The following HTR1F variants were observed in gnomAD, a reference collection of about 807,000 sequenced individuals.
HTR1F encodes 5-hydroxytryptamine (serotonin) receptor 1F, G protein-coupled.
In HTR1F, 17 loss-of-function variants were observed where a neutral mutation model predicts 24.0. The ratio of observed to expected loss-of-function variants is 0.71; its 90% confidence interval spans 0.48 to 1.06. The LOEUF (loss-of-function observed/expected upper bound fraction) is 1.06. HTR1F is among the 50% of genes least tolerant of loss of function. The probability of loss-of-function intolerance (pLI) is 0.00; values close to 1 mark genes in which losing one functional copy is unlikely to be tolerated. For missense variants in HTR1F, 391 were observed against 427.8 expected (o/e 0.91, Z 0.76); for synonymous variants, 186 against 156.8 (o/e 1.19, Z -1.39).
intron 2 of HTR1F, among the ~76,000 whole-genome samples, chr3:87,939,095 T>C (rs1704498626): frequency 6.6e-6 from 1 of 152,180 alleles, no homozygotes; most frequent in South Asian, 2.1e-4. Flanking sequence ...AACAACCCCA[T>C]CAAAAAGTGG....
chr3:87,808,608 C>A (rs1196320230), intron 1 of HTR1F, among the ~76,000 whole-genome samples: 1 of 151,654 alleles, frequency 6.6e-6, no homozygotes, highest in Non-Finnish European at 1.5e-5. Context: ...TTTGCCTCTA[C>A]TTTAATTCTG....
intron 2 of HTR1F, among the ~76,000 whole-genome samples, chr3:87,864,439 C>T (rs1705379813): frequency 6.6e-6 from 1 of 152,158 alleles, no homozygotes; most frequent in Non-Finnish European, 1.5e-5. Context: ...CAGGGCCCTA[C>T]CTTACAGGTT....
intron 2 of HTR1F, among the ~76,000 whole-genome samples, chr3:87,920,201 G>C (rs1703983307): frequency 6.6e-6 from 1 of 152,020 alleles, no homozygotes; most frequent in South Asian, 2.1e-4. Context: ...GCTAAGCTAT[G>C]AGGATGCAAA....
At chr3:87,889,312 G>A (rs1319705044) in intron 2 of HTR1F, among the ~76,000 whole-genome samples, 1 of 152,004 alleles carries the variant, frequency 6.6e-6, no homozygotes, top group African/African-American at 2.4e-5. Flanking sequence ...GACTAAGACA[G>A]CAATTATATT....
At chr3:87,941,300 C>A (rs1193136644) in intron 2 of HTR1F, among the ~76,000 whole-genome samples, 3 of 152,162 alleles carry the variant, frequency 2.0e-5, no homozygotes, top group Admixed American at 6.5e-5. Context: ...TGCCAAGGAA[C>A]CCTCTTAGTT....
At chr3:87,842,726 C>G (rs1251251608) in intron 2 of HTR1F, among the ~76,000 whole-genome samples, 1 of 151,946 alleles carries the variant, frequency 6.6e-6, no homozygotes, top group Admixed American at 6.5e-5. Context: ...GACTAGAAAT[C>G]TCTACAGATT....
At position 87,822,801 on chromosome 3, in the gene HTR1F, A is replaced by G. The variant is rs146163845; in HGVS notation, c.-43+677A>G. ...ATGTGTACATAAGAAATGAAACAAC[A>G]TAATAAATGTTACTCTTGGGAACAG... On this transcript the variant is annotated intron_variant, in intron 2 of 2. Transcript: ENST00000319595. 3.9e-3 allele frequency among the ~76,000 whole-genome samples: 588 copies of G among 152,346 alleles called. 6 individuals carry two copies. The highest frequency in any genetic ancestry group is 0.014 in the African/African-American group (565 of 41,576).
intron 2 of HTR1F, among the ~76,000 whole-genome samples, chr3:87,856,978 G>C (rs1274741166): frequency 1.3e-5 from 2 of 152,106 alleles, no homozygotes; most frequent in Admixed American, 1.3e-4. Context: ...AATGCTTTCA[G>C]AGTTACAGCT....
At chr3:87,890,367 G>T (rs1430744441) in intron 2 of HTR1F, among the ~76,000 whole-genome samples, 3 of 151,978 alleles carry the variant, frequency 2.0e-5, no homozygotes, top group Non-Finnish European at 4.4e-5. Context: ...CTCTATTATG[G>T]GTCCTCAGAG....
chr3:87,922,102 T>C (rs1704023856), intron 2 of HTR1F, among the ~76,000 whole-genome samples: 1 of 151,924 alleles, frequency 6.6e-6, no homozygotes, highest in South Asian at 2.1e-4. Context: ...AGAAAGTTCA[T>C]ACTGTTTTCC....
chr3:87,854,800 A>G (rs1450974418), intron 2 of HTR1F, among the ~76,000 whole-genome samples: 4 of 152,048 alleles, frequency 2.6e-5, no homozygotes, highest in Admixed American at 1.3e-4. Context: ...TTCCTCTTCC[A>G]TTCCAGCCTA....
At chr3:87,882,917 G>T (rs975135473) in intron 2 of HTR1F, among the ~76,000 whole-genome samples, 2 of 152,054 alleles carry the variant, frequency 1.3e-5, no homozygotes, top group African/African-American at 4.8e-5. Flanking sequence ...AGACTTAAAT[G>T]TCCCTGTCTG....
At chr3:87,960,348 G>T (rs1705034609) in intron 2 of HTR1F, among the ~76,000 whole-genome samples, 2 of 151,942 alleles carry the variant, frequency 1.3e-5, no homozygotes, top group Non-Finnish European at 2.9e-5. Flanking sequence ...AATAGTAGCT[G>T]CCCAGATGGT....
intron 2 of HTR1F, among the ~76,000 whole-genome samples, chr3:87,823,761 T>C (rs1241991261): frequency 6.6e-6 from 1 of 151,344 alleles, no homozygotes; most frequent in African/African-American, 2.4e-5. Context: ...TTACAGGCTT[T>C]AAAAAAAACA....
intron 1 of HTR1F, among the ~76,000 whole-genome samples, chr3:87,810,068 T>C (rs1244878458): frequency 6.6e-6 from 1 of 152,176 alleles, no homozygotes. Flanking sequence ...TTATTTTTTC[T>C]TTTGTCATTC....
chr3:87,869,760 T>A (rs1275376823), intron 2 of HTR1F, among the ~76,000 whole-genome samples: 11 of 152,106 alleles, frequency 7.2e-5, no homozygotes, highest in Admixed American at 7.2e-4. Flanking sequence ...CCTACCCATG[T>A]TAGGAAGGGC....
chr3:87,873,750 C>G (rs1705610144), intron 2 of HTR1F, among the ~76,000 whole-genome samples: 1 of 152,060 alleles, frequency 6.6e-6, no homozygotes, highest in Non-Finnish European at 1.5e-5. Flanking sequence ...GGATTTATTC[C>G]TAAAATGCAA....
chr3:87,850,395 C>A (rs1575944121), intron 2 of HTR1F, among the ~76,000 whole-genome samples: 1 of 151,532 alleles, frequency 6.6e-6, no homozygotes, highest in Middle Eastern at 3.2e-3. Flanking sequence ...ACTCATAGGT[C>A]GGAATTGAAC....
chr3:87,838,611 T>C (rs1704731990), intron 2 of HTR1F, among the ~76,000 whole-genome samples: 1 of 152,156 alleles, frequency 6.6e-6, no homozygotes, highest in Non-Finnish European at 1.5e-5. Flanking sequence ...TGTTGCATTG[T>C]AGCTGAAGAG....
Sources: gnomAD v4.1 joint callset for allele counts (sites outside exome capture counted in the v4.1 genomes callset) on GRCh38, gnomAD v4.1.1 for gene constraint, MANE v1.5 for transcripts, NCBI Gene and HGNC (gene_info 2026-07-23, HGNC 2026-07-21) for gene names.